MGAT4C: variants seen among roughly 807,000 people sequenced by gnomAD.
MGAT4C encodes alpha-1,3-mannosyl-glycoprotein 4-beta-N-acetylglucosaminyltransferase C.
Under a neutral mutation model 40.1 loss-of-function variants are expected in MGAT4C, and 19 were observed. The ratio of observed to expected loss-of-function variants is 0.47; its 90% CI spans 0.33 to 0.70. MGAT4C has a LOEUF of 0.70. Among genes scored for constraint, MGAT4C ranks in the 30% least tolerant of loss-of-function variants. The pLI is 0.02. For missense variants in MGAT4C, 491 were observed against 563.2 expected (o/e 0.87, Z 1.30); for synonymous variants, 181 against 187.1 (o/e 0.97, Z 0.27).
intron 2 of MGAT4C, among the ~76,000 whole-genome samples, chr12:86,616,145 G>C (rs1962439314): frequency 6.6e-6 from 1 of 152,070 alleles, no homozygotes; most frequent in African/African-American, 2.4e-5. Context: ...CTTAAGTAAT[G>C]ATCTGATATC....
At chr12:85,998,017 A>G (rs747256581) in intron 2 of MGAT4C, among the ~76,000 whole-genome samples, 1 of 152,206 alleles carries the variant, frequency 6.6e-6, no homozygotes, top group Non-Finnish European at 1.5e-5. Context: ...GCAAACTTCT[A>G]TCTGGATATC....
chr12:86,602,925 T>A (rs932880495), intron 2 of MGAT4C, among the ~76,000 whole-genome samples: 1 of 151,128 alleles, frequency 6.6e-6, no homozygotes, highest in African/African-American at 2.5e-5. Context: ...AAATGTATCA[T>A]TTAGCCTTAA....
At chr12:86,787,485 C>T (rs1951951609) in intron 1 of MGAT4C, among the ~76,000 whole-genome samples, 1 of 151,496 alleles carries the variant, frequency 6.6e-6, no homozygotes, top group South Asian at 2.1e-4. Context: ...GGGTAGATAT[C>T]CAGTAGTGAG....
chr12:86,098,719 G>A lies in MGAT4C; in HGVS notation c.-56-48996C>T, dbSNP rs76868717. ...GAATTTACTATGCATGTGTGTATGT[G>A]TGCACATACATAAAATATTTTGGTG... On this transcript the variant is annotated intron_variant, in intron 1 of 4. Transcript: ENST00000611864. Among the ~76,000 whole-genome samples, 36 of 151,632 alleles carry A rather than the reference G, an allele frequency of 2.4e-4. 2 individuals carry two copies. The East Asian group carries it at 7.0e-3, about 29-fold the overall frequency.
intron 2 of MGAT4C, among the ~76,000 whole-genome samples, chr12:86,722,940 C>T (rs1950760462): frequency 6.6e-6 from 1 of 152,062 alleles, no homozygotes; most frequent in Non-Finnish European, 1.5e-5. Flanking sequence ...AATATAGGTC[C>T]ACCATATGCT....
chr12:86,077,538 C>T (rs1277160422), intron 1 of MGAT4C, among the ~76,000 whole-genome samples: 1 of 152,146 alleles, frequency 6.6e-6, no homozygotes, highest in African/African-American at 2.4e-5. Context: ...TGGAGTTGCT[C>T]CTCACTTCTG....
chr12:86,685,171 C>G (rs1034202086), intron 2 of MGAT4C, among the ~76,000 whole-genome samples: 1 of 152,052 alleles, frequency 6.6e-6, no homozygotes, highest in Non-Finnish European at 1.5e-5. Context: ...GGTCCTAGAT[C>G]TTATGCTTAA....
intron 1 of MGAT4C, among the ~76,000 whole-genome samples, chr12:86,232,578 C>A (rs998452491): frequency 6.6e-6 from 1 of 152,094 alleles, no homozygotes; most frequent in African/African-American, 2.4e-5. Context: ...GAACCTAACT[C>A]GGAGGGTTAT....
At chr12:86,437,116 C>T (rs991739468) in intron 2 of MGAT4C, among the ~76,000 whole-genome samples, 1 of 151,478 alleles carries the variant, frequency 6.6e-6, no homozygotes, top group Non-Finnish European at 1.5e-5. Context: ...CCTAAGATAT[C>T]AGAATTTTTA....
At chr12:86,491,076 A>G (rs1360961007) in intron 2 of MGAT4C, among the ~76,000 whole-genome samples, 1 of 152,078 alleles carries the variant, frequency 6.6e-6, no homozygotes, top group Non-Finnish European at 1.5e-5. Context: ...ATAGGCATCT[A>G]CAGAACTCTC....
intron 2 of MGAT4C, among the ~76,000 whole-genome samples, chr12:86,571,470 C>G (rs551870636): frequency 2.7e-4 from 41 of 151,922 alleles, no homozygotes; most frequent in Admixed American, 2.5e-3. Flanking sequence ...TAAAGAAAAC[C>G]TTGTATAGGT....
intron 1 of MGAT4C, among the ~76,000 whole-genome samples, chr12:86,058,865 A>G (rs1309226994): frequency 1.3e-5 from 2 of 152,074 alleles, no homozygotes; most frequent in Admixed American, 6.6e-5. Context: ...ATTCTCCCCA[A>G]TTCCAATCTT....
At chr12:86,738,404 A>G (rs1951016556) in intron 1 of MGAT4C, among the ~76,000 whole-genome samples, 1 of 151,440 alleles carries the variant, frequency 6.6e-6, no homozygotes. Context: ...ATATATGGAT[A>G]CTTTATATAG....
At chr12:86,480,200 C>A (rs1210352227) in intron 2 of MGAT4C, among the ~76,000 whole-genome samples, 1 of 151,576 alleles carries the variant, frequency 6.6e-6, no homozygotes, top group African/African-American at 2.4e-5. Context: ...ACCACTCTTG[C>A]CATTAGAGAA....
intron 3 of MGAT4C, among the ~76,000 whole-genome samples, chr12:86,352,702 T>C (rs1169157141): frequency 6.6e-6 from 1 of 152,118 alleles, no homozygotes; most frequent in African/African-American, 2.4e-5. Context: ...GATCAAAAAG[T>C]GAAGTTTCTC....
intron 2 of MGAT4C, among the ~76,000 whole-genome samples, chr12:86,488,988 C>G (rs187501509): frequency 6.6e-6 from 1 of 152,252 alleles, no homozygotes; most frequent in Admixed American, 6.5e-5. Flanking sequence ...AAAGTGGGAG[C>G]TTCTATCCCT....
chr12:86,542,961 A>C (rs369273473), intron 2 of MGAT4C, among the ~76,000 whole-genome samples: 1 of 151,866 alleles, frequency 6.6e-6, no homozygotes, highest in African/African-American at 2.4e-5. Context: ...TTTTTGGGGG[A>C]TTTCTCTCCA....
intron 1 of MGAT4C, among the ~76,000 whole-genome samples, chr12:86,818,944 T>A (rs1311562373): frequency 6.6e-6 from 1 of 151,008 alleles, no homozygotes; most frequent in Non-Finnish European, 1.5e-5. Flanking sequence ...CAAATTAAAA[T>A]CTCAGCTATA....
rs1351034074 is a variant in MGAT4C, at chr12:86,334,131, T to C, written c.-119-4A>G. Reference sequence around the variant, plus strand: ...GGGCTGTGCTTTCTGGGTGAGTCTGTGTTAAATTAAAATGACAAAAATCTT... The same window carrying C: ...GGGCTGTGCTTTCTGGGTGAGTCTGCGTTAAATTAAAATGACAAAAATCTT... On this transcript the variant is annotated splice_polypyrimidine_tract_variant and splice_region_variant and intron_variant, in intron 3 of 7. Transcript: ENST00000548651. 3 of 152,170 alleles carry C rather than the reference T, an allele frequency of 2.0e-5. No homozygotes were observed. In the East Asian group the frequency reaches 5.8e-4, roughly 29 times the overall value. 9.4% of individuals were successfully genotyped at this position (152,170 alleles called of 1,614,324 possible).
Sources: gnomAD v4.1 joint callset for allele counts (sites outside exome capture counted in the v4.1 genomes callset) on GRCh38, gnomAD v4.1.1 for gene constraint, MANE v1.5 for transcripts, NCBI Gene and HGNC (gene_info 2026-07-23, HGNC 2026-07-21) for gene names.